The following CAPN12 variants were observed in gnomAD, a reference collection of about 807,000 sequenced individuals.
CAPN12 encodes calpain 12, also known as calpain-12.
A neutral mutation model predicts 95.0 loss-of-function variants in CAPN12; 107 were observed. The ratio of observed to expected loss-of-function variants is 1.13; its 90% CI spans 0.96 to 1.32. CAPN12 has a LOEUF of 1.32. Ranked by LOEUF, CAPN12 falls within the 40% of genes most tolerant of loss-of-function variation. CAPN12 has a pLI of 0.00. For synonymous variants in CAPN12, 505 were observed against 415.5 expected, an observed-to-expected ratio of 1.22 and a Z score of -2.62; for missense variants, 1,136 against 997.8, an observed-to-expected ratio of 1.14 and a Z score of -1.87.
rs777379618 is a variant in CAPN12, at chr19:38,743,972, G to A, written c.194C>T (p.Pro65Leu). ...CACGCCTTTGGCCTTCTCCGAGTCC[G>A]GCCCCAGCTGGTCATAGCCAAGGGC... ...PDALGYDQLG[P>L]DSEKAKGVKW... The change falls in exon 1 of 21, where the codon CCG becomes CTG. Residue 65 changes from proline (P) to leucine (L), a missense_variant. Physicochemically the swap from Pro to Leu is moderately conservative, Grantham distance 98 (BLOSUM62 -3). Transcript: ENST00000328867. The A allele has an allele frequency of 5.0e-5, 80 of 1,614,094 alleles. No homozygotes were observed. The highest frequency in any genetic ancestry group is 3.3e-4 in the Middle Eastern group (2 of 6,084).
chr19:38,736,566 G>T lies in CAPN12; in HGVS notation c.1363-3C>A. On this transcript the variant is annotated splice_region_variant and splice_polypyrimidine_tract_variant and intron_variant, in intron 10 of 20. Coordinates refer to ENST00000328867, the MANE Select transcript of CAPN12 (RefSeq NM_144691.4). ...CCCAGACTCACCTCCTCTGGAATCT[G>T]AAAGAAGCAAGAGCAAGGGGCGTCG... 6.4e-7 allele frequency: 1 copy of T among 1,574,696 alleles called. No individual in the cohort carries two copies. The highest frequency in any genetic ancestry group is 8.6e-7 in the Non-Finnish European group (1 of 1,160,792).
Position 38,732,354 on chromosome 19 carries a change from C to T in CAPN12, c.1958-1131G>A, listed in dbSNP as rs148243774. Among the ~76,000 whole-genome samples the T allele has an allele frequency of 2.3e-3, 347 of 152,254 alleles. 2 individuals carry two copies. The highest frequency in any genetic ancestry group is 7.2e-3 in the African/African-American group (300 of 41,552). ...GCTTTTTCTTTTTTCTTTTTTGAGA[C>T]GGAGTCTCGCTCTGTTGCCCAGGCT... On this transcript the variant is annotated intron_variant, in intron 18 of 20. Coordinates refer to ENST00000328867, the MANE Select transcript of CAPN12 (RefSeq NM_144691.4).
intron 4 of CAPN12, among the ~76,000 whole-genome samples, chr19:38,740,749 A>G (rs1334287916): frequency 3.3e-5 from 5 of 151,920 alleles, no homozygotes; most frequent in African/African-American, 9.7e-5. Context: ...GCAGTGAGCC[A>G]AGATCACGCC....
At chr19:38,733,879 C>A in intron 17 of CAPN12, 98 bp from the exon 18 acceptor site, 1 of 1,058,834 alleles carries the variant, frequency 9.4e-7, no homozygotes, top group Non-Finnish European at 1.4e-6. Context: ...ATCCCAACTC[C>A]CTTTCTTCTG....
Position 38,743,074 on chromosome 19 carries a change from C to T in CAPN12, c.266G>A (p.Cys89Tyr). 1 of 1,614,038 alleles carries T rather than the reference C, an allele frequency of 6.2e-7. No homozygotes were observed. The highest frequency in any genetic ancestry group is 8.5e-7 in the Non-Finnish European group (1 of 1,179,970). Reference sequence around the variant, plus strand: ...CACGTCTGTGCGGCTCATGTCTTCACAGATGAACTTCGGCTCAGCACAGAA... The same window carrying T: ...CACGTCTGTGCGGCTCATGTCTTCATAGATGAACTTCGGCTCAGCACAGAA... The part of the protein sequence containing the change: ...HEFCAEPKFI[C>Y]EDMSRTDVCQ... Residue 89 changes from cysteine to tyrosine, a missense_variant, in exon 2 of 21, where the codon TGT becomes TAT. By Grantham distance (194) the Cys-to-Tyr change is radical (BLOSUM62 -2). Transcript: ENST00000328867.
At chr19:38,742,928 G>A (rs1334503096) in intron 2 of CAPN12, 105 bp downstream of exon 2, 3 of 925,808 alleles carry the variant, frequency 3.2e-6, no homozygotes, top group Non-Finnish European at 5.2e-6. Context: ...AAGAGACTGA[G>A]GAGGGATCCA....
intron 2 of CAPN12, among the ~76,000 whole-genome samples, 160 bp downstream of exon 2, chr19:38,742,871 AAG>A (rs1970637187): frequency 1.3e-5 from 2 of 148,648 alleles, no homozygotes; most frequent in African/African-American, 4.9e-5. Flanking sequence ...AAAAAAAAAA[AAG>A]GAAGGAAGGA....
At position 38,736,161 on chromosome 19, in the gene CAPN12, T is replaced by C. The variant is rs1172396741; in HGVS notation, c.1532A>G (p.Asp511Gly). The C allele has an allele frequency of 2.3e-5, 35 of 1,514,124 alleles. No individual in the cohort carries two copies. Among genetic ancestry groups the C allele is most frequent in the Non-Finnish European group, 2.7e-5 (31 of 1,134,838 alleles). The allele number at this position is 1,514,124 out of a possible 1,614,324, so 93.8% of individuals were successfully genotyped here. Residue 511 changes from aspartate to glycine, a missense_variant, in exon 12 of 21, where the codon GAC (aspartate) becomes GGC (glycine). Transcript: ENST00000328867. ...LVVPSTAHAG[D>G]EADFTLRVFS... is the part of the protein sequence containing the mutation. ...GACACGCAGAGTGAAGTCAGCCTCG[T>C]CGCCGGCGTGGGCGGTGCTCGGCAC... is the stretch of plus-strand genomic sequence containing the variant.
chr19:38,744,572 CCTCT>C (rs764974621), upstream of CAPN12: 9 of 262,170 alleles, frequency 3.4e-5, no homozygotes, highest in South Asian at 2.0e-4. Context: ...TCTCCCCCTC[CCTCT>C]GACAGTTTCT....
chr19:38,735,606 C>CG (rs1555847690), intron 12 of CAPN12, 62 bp from the exon 13 acceptor site: 1 of 1,556,938 alleles, frequency 6.4e-7, no homozygotes, highest in Middle Eastern at 1.9e-4. Context: ...CTGTGTGGGA[C>CG]GGGGTCTCAG....
At position 38,744,387 on chromosome 19, in the gene CAPN12, A is replaced by T. The variant is rs1409236716; in HGVS notation, c.-222T>A. On this transcript the variant is annotated 5_prime_UTR_variant, in exon 1 of 21. Transcript: ENST00000328867. ...TCAGTTGTGGCCAAGGTAGCAGCTT[A>T]ATGGGCTTGGCCAGCAGCAGGAGAG... The T allele has an allele frequency of 1.7e-6, 1 of 590,886 alleles. No individual in the cohort carries two copies. The highest frequency in any genetic ancestry group is 3.0e-6 in the Non-Finnish European group (1 of 332,678). 36.6% of individuals were successfully genotyped at this position (590,886 alleles called of 1,614,324 possible).
At chr19:38,744,525 G>A (rs1026628983), upstream of CAPN12, 25 of 350,172 alleles carry the variant, frequency 7.1e-5, no homozygotes, top group Non-Finnish European at 1.1e-4. Context: ...GGAAGGAGGC[G>A]GGTTTACCTC....
Position 38,740,050 on chromosome 19 carries a change from C to G in CAPN12, c.729+1G>C. On this transcript the variant is annotated splice_donor_variant, in intron 5 of 20. Coordinates refer to ENST00000328867, the MANE Select transcript of CAPN12 (RefSeq NM_144691.4). LOFTEE classifies it high-confidence loss of function. ...TCCGCATGCGAGTCCAGGTCTCTTACCAGGGCAGTGGCGCCCACGAGGGAC... is the reference window on the plus strand; with the variant it reads ...TCCGCATGCGAGTCCAGGTCTCTTAGCAGGGCAGTGGCGCCCACGAGGGAC... 3 of 1,575,210 alleles carry G rather than the reference C, an allele frequency of 1.9e-6. No individual in the cohort carries two copies. The highest frequency in any genetic ancestry group is 2.6e-6 in the Non-Finnish European group (3 of 1,159,968).
At position 38,730,807 on chromosome 19, in the gene CAPN12, C is replaced by T. The variant is rs1227429847; in HGVS notation, c.*45G>A. Reference sequence around the variant, plus strand: ...GGCAAGGCCTAGGGAGGTGGTCTTGCTCAGCAACCCTGCCCTGAGCAGCAG... The same window carrying T: ...GGCAAGGCCTAGGGAGGTGGTCTTGTTCAGCAACCCTGCCCTGAGCAGCAG... On this transcript the variant is annotated 3_prime_UTR_variant, in exon 21 of 21. Coordinates refer to ENST00000328867, the MANE Select transcript of CAPN12 (RefSeq NM_144691.4). 1 of 1,549,836 alleles carries T rather than the reference C, an allele frequency of 6.5e-7. No homozygotes were observed. The highest frequency in any genetic ancestry group is 8.7e-7 in the Non-Finnish European group (1 of 1,146,790).
chr19:38,734,268 A>G, intron 16 of CAPN12, 51 bp downstream of exon 16: 1 of 1,603,970 alleles, frequency 6.2e-7, no homozygotes, highest in Non-Finnish European at 8.5e-7. Flanking sequence ...GAGAGACCCC[A>G]ACGTCCCCTT....
chr19:38,731,483 C>T (rs926231401), intron 18 of CAPN12: 37 of 535,590 alleles, frequency 6.9e-5, no homozygotes, highest in South Asian at 4.2e-4. Flanking sequence ...ACACGTGACT[C>T]GATGTGTGGG....
chr19:38,734,923 G>A lies in CAPN12; in HGVS notation c.1687-53C>T, dbSNP rs369915309. The A allele has an allele frequency of 4.5e-6, 7 of 1,569,488 alleles. No individual in the cohort carries two copies. The African/African-American group carries it at 8.1e-5, about 18-fold the overall frequency. On this transcript the variant is annotated intron_variant, in intron 14 of 20. Coordinates refer to ENST00000328867, the MANE Select transcript of CAPN12 (RefSeq NM_144691.4). ...CCATTTACTCATCCAGCTGCTCTGG[G>A]CCAAGCCCTGTGCTAGGGACACGGC... is the stretch of plus-strand genomic sequence containing the variant.
Position 38,742,441 on chromosome 19 carries a change from T to C in CAPN12, c.395A>G (p.Gln132Arg). ...GTGGAAGACGCCTGCGTAGCCATGCTGGAAATCCTGTCCAGGAGGGACCAC... is the reference window on the plus strand; with the variant it reads ...GTGGAAGACGCCTGCGTAGCCATGCCGGAAATCCTGTCCAGGAGGGACCAC... ...RRVVPPGQDFQHGYAGVFHFQ... is the reference protein window; with the variant it reads ...RRVVPPGQDFRHGYAGVFHFQ... Residue 132 changes from glutamine to arginine, a missense_variant, in exon 3 of 21, where the codon CAG (glutamine) becomes CGG (arginine). By Grantham distance (43) the Gln-to-Arg change is conservative. Transcript: ENST00000328867. The C allele has an allele frequency of 6.2e-7, 1 of 1,613,968 alleles. No homozygotes were observed. The highest frequency in any genetic ancestry group is 8.5e-7 in the Non-Finnish European group (1 of 1,179,952).
intron 1 of CAPN12, among the ~76,000 whole-genome samples, chr19:38,743,573 C>A (rs4802774): frequency 0.053 from 5,212 of 97,748 alleles, 369 homozygotes; most frequent in South Asian, 0.083. Context: ...CCTCAGACCC[C>A]GGAGTCCAGG....
Sources: gnomAD v4.1 joint callset for allele counts (sites outside exome capture counted in the v4.1 genomes callset) on GRCh38, gnomAD v4.1.1 for gene constraint, MANE v1.5 for transcripts, NCBI Gene and HGNC (gene_info 2026-07-23, HGNC 2026-07-21) for gene names.